C12orf42: variants seen among roughly 807,000 people sequenced by gnomAD.
C12orf42 encodes the protein chromosome 12 open reading frame 42.
C12orf42 carries 25 observed loss-of-function variants against 21.6 expected under a neutral mutation model. That is an observed-to-expected ratio of 1.16 (90% CI 0.84 to 1.62). The LOEUF (loss-of-function observed/expected upper bound fraction) is 1.62, where lower values mean the gene tolerates loss of function less well. Among genes scored for constraint, C12orf42 ranks in the 40% most tolerant of loss-of-function variants. C12orf42 has a pLI of 0.00. For synonymous variants in C12orf42, 174 were observed against 175.0 expected (o/e 0.99, Z 0.05); for missense variants, 483 against 459.3 (o/e 1.05, Z -0.47).
intron 5 of C12orf42, among the ~76,000 whole-genome samples, chr12:103,274,164 A>G (rs2035629768): frequency 6.6e-6 from 1 of 152,212 alleles, no homozygotes; most frequent in Non-Finnish European, 1.5e-5. Context: ...TCTGTTTTAC[A>G]GATAAGGAGT....
intron 1 of C12orf42, among the ~76,000 whole-genome samples, chr12:103,485,132 G>C (rs536161785): frequency 2.1e-4 from 32 of 152,232 alleles, no homozygotes; most frequent in African/African-American, 7.5e-4. Context: ...GCCTCCCAAA[G>C]TGCTGGGATT....
At chr12:103,452,055 G>T (rs189605951) in intron 2 of C12orf42, among the ~76,000 whole-genome samples, 229 of 151,942 alleles carry the variant, frequency 1.5e-3, no homozygotes, top group Admixed American at 1.6e-3. Flanking sequence ...TGTTGATTTA[G>T]GCCAGATGAA....
At chr12:103,419,688 A>G (rs1355671780) in intron 2 of C12orf42, among the ~76,000 whole-genome samples, 4 of 152,270 alleles carry the variant, frequency 2.6e-5, no homozygotes, top group South Asian at 4.2e-4. Context: ...CACTCCTTCA[A>G]CTAAACCTGA....
At chr12:103,205,238 A>G in the C12orf42 span, among the ~76,000 whole-genome samples, 1 of 152,216 alleles carries the variant, frequency 6.6e-6, no homozygotes, top group Non-Finnish European at 1.5e-5. Flanking sequence ...CCCGAGTACT[A>G]GTTCGTTTTC....
chr12:103,522,739 C>A, the C12orf42 span, among the ~76,000 whole-genome samples: 11 of 152,304 alleles, frequency 7.2e-5, no homozygotes, highest in East Asian at 1.7e-3. Flanking sequence ...ATAACACACC[C>A]TTGGATGGGC....
chr12:103,217,956 T>C, the C12orf42 span, among the ~76,000 whole-genome samples: 1 of 152,104 alleles, frequency 6.6e-6, no homozygotes, highest in African/African-American at 2.4e-5. Flanking sequence ...CATTTGTTGC[T>C]GCATATCTCA....
chr12:103,417,011 T>C (rs1406191118), intron 2 of C12orf42, among the ~76,000 whole-genome samples: 2 of 152,196 alleles, frequency 1.3e-5, no homozygotes, highest in South Asian at 2.1e-4. Flanking sequence ...CTTCTCTCCA[T>C]ACCTTCCCTA....
chr12:103,478,419 G>A lies in C12orf42; in HGVS notation c.8C>T (p.Thr3Ile). The change falls in exon 2 of 6, where the codon ACA becomes ATA. Residue 3 changes from threonine to isoleucine, a missense_variant. Transcript: ENST00000548883. The part of the protein sequence containing the change: MS[T>I]VICMKQREEE... ...TTCCCTTTGTTTCATACATATCACTGTAGACATTAATTTGACAAGTTCAAC... is the reference window on the plus strand; with the variant it reads ...TTCCCTTTGTTTCATACATATCACTATAGACATTAATTTGACAAGTTCAAC... The A allele has an allele frequency of 6.3e-7, 1 of 1,583,222 alleles. No individual in the cohort carries two copies. The highest frequency in any genetic ancestry group is 2.3e-5 in the East Asian group (1 of 44,390).
At chr12:103,424,037 T>C (rs1246373574) in intron 2 of C12orf42, among the ~76,000 whole-genome samples, 2 of 152,260 alleles carry the variant, frequency 1.3e-5, no homozygotes, top group African/African-American at 4.8e-5. Context: ...TTGGATGACA[T>C]TTGGGCCATT....
chr12:103,241,080 AAG>A (rs1406429914), intron 10 of C12orf42, among the ~76,000 whole-genome samples: 1 of 152,136 alleles, frequency 6.6e-6, no homozygotes. Context: ...TTTTTAGAAA[AAG>A]AGGGCATACT....
chr12:103,186,518 A>C, the C12orf42 span, among the ~76,000 whole-genome samples: 1 of 152,214 alleles, frequency 6.6e-6, no homozygotes, highest in African/African-American at 2.4e-5. Flanking sequence ...ACACTGTCTA[A>C]TCAAAATGGC....
intron 2 of C12orf42, among the ~76,000 whole-genome samples, chr12:103,449,081 T>TGATAGATAGATAGATAGATA (rs56702467): frequency 1.4e-5 from 2 of 146,484 alleles, no homozygotes; most frequent in African/African-American, 2.5e-5. Context: ...AAAGAAAATA[T>TGATAGATAGATAGATAGATA]GATAGATAGA....
the C12orf42 span, among the ~76,000 whole-genome samples, chr12:103,134,199 A>G: frequency 3.3e-5 from 5 of 152,216 alleles, no homozygotes; most frequent in Non-Finnish European, 7.3e-5. Context: ...AAAAAACTTG[A>G]AAAATCAAGG....
chr12:103,508,809 C>G, the C12orf42 span, among the ~76,000 whole-genome samples: 1 of 152,172 alleles, frequency 6.6e-6, no homozygotes, highest in African/African-American at 2.4e-5. Context: ...CAACTGTGAC[C>G]TTGTGCAAAT....
intron 10 of C12orf42, among the ~76,000 whole-genome samples, chr12:103,242,633 G>A (rs1342993158): frequency 6.6e-6 from 1 of 151,998 alleles, no homozygotes; most frequent in Non-Finnish European, 1.5e-5. Flanking sequence ...AATAAAATAA[G>A]CATCAGATGT....
chr12:103,396,722 G>T (rs1229188384), intron 3 of C12orf42: 4 of 152,254 alleles, frequency 2.6e-5, no homozygotes, highest in Non-Finnish European at 4.4e-5. Flanking sequence ...TGCATTGTTA[G>T]TAGACAAAAC....
At chr12:103,059,302 C>T in the C12orf42 span, among the ~76,000 whole-genome samples, 23 of 152,204 alleles carry the variant, frequency 1.5e-4, no homozygotes, top group African/African-American at 4.6e-4. Flanking sequence ...CTGAATAGAC[C>T]AATAACAAGT....
At chr12:103,198,046 G>A in the C12orf42 span, among the ~76,000 whole-genome samples, 3 of 152,204 alleles carry the variant, frequency 2.0e-5, no homozygotes, top group African/African-American at 7.2e-5. Flanking sequence ...AGTCACATGT[G>A]TGTGCTGCCA....
chr12:103,556,115 T>C, the C12orf42 span, among the ~76,000 whole-genome samples: 9 of 152,158 alleles, frequency 5.9e-5, no homozygotes, highest in Non-Finnish European at 1.0e-4. Flanking sequence ...CAGCATGTAA[T>C]AGTGGGAAGA....
Sources: allele counts gnomAD v4.1 joint callset (sites outside exome capture counted in the v4.1 genomes callset), GRCh38; gene constraint gnomAD v4.1.1; transcripts MANE v1.5; gene names NCBI Gene and HGNC (gene_info 2026-07-23, HGNC 2026-07-21).